Variants in STAG1 observed in about 807,000 individuals in gnomAD.
STAG1 encodes the protein STAG1 cohesin complex component.
Under a neutral mutation model 170.9 loss-of-function variants are expected in STAG1, and 26 were observed. That is an observed-to-expected ratio of 0.15 (90% confidence interval 0.11 to 0.21). The LOEUF (loss-of-function observed/expected upper bound fraction) is 0.21. Among genes scored for constraint, STAG1 ranks in the 10% least tolerant of loss-of-function variants. STAG1 has a pLI of 1.00. For missense variants in STAG1, 964 were observed against 1,509.5 expected (o/e 0.64, Z 5.99); for synonymous variants, 514 against 497.7 (o/e 1.03, Z -0.44).
chr3:136,672,085 T>C (rs758476157), intron 1 of STAG1, among the ~76,000 whole-genome samples: 38 of 152,218 alleles, frequency 2.5e-4, no homozygotes, highest in Non-Finnish European at 4.6e-4. Flanking sequence ...CAGAAACATT[T>C]TTCTTTTCCT....
At chr3:136,653,091 A>G (rs1345088067) in intron 1 of STAG1, among the ~76,000 whole-genome samples, 1 of 152,012 alleles carries the variant, frequency 6.6e-6, no homozygotes, top group Non-Finnish European at 1.5e-5. Flanking sequence ...TGACCAACAT[A>G]GAGAAACCCT....
At chr3:136,348,849 G>T in intron 29 of STAG1, 1 of 313,738 alleles carries the variant, frequency 3.2e-6, no homozygotes, top group Admixed American at 4.7e-5. Context: ...ATAGCATTGT[G>T]ACTATCTTAC....
At chr3:136,355,551 A>G (rs1936620102) in intron 28 of STAG1, among the ~76,000 whole-genome samples, 2 of 152,034 alleles carry the variant, frequency 1.3e-5, no homozygotes, top group African/African-American at 4.8e-5. Context: ...CCTGAAAAGC[A>G]CTATAAACAA....
chr3:136,357,657 A>C (rs1936708427), intron 28 of STAG1, 63 bp downstream of exon 28: 3 of 1,390,352 alleles, frequency 2.2e-6, no homozygotes, highest in Non-Finnish European at 2.9e-6. Flanking sequence ...AAAATTTTTC[A>C]AAAAATAAAC....
chr3:136,544,566 C>T (rs1936061417), intron 5 of STAG1, among the ~76,000 whole-genome samples: 1 of 151,892 alleles, frequency 6.6e-6, no homozygotes, highest in South Asian at 2.1e-4. Context: ...AGTTTGAGAC[C>T]AGCCTGGGCA....
chr3:136,704,090 G>A (rs111949903), intron 1 of STAG1, among the ~76,000 whole-genome samples: 2,656 of 143,272 alleles, frequency 0.019, 35 homozygotes, highest in Non-Finnish European at 0.03. Flanking sequence ...TCACTCTGTC[G>A]CCCAGGCTGG....
chr3:136,623,261 A>AT lies in STAG1; in HGVS notation c.30-14dup. 1 of 1,608,266 alleles carries AT rather than the reference A, an allele frequency of 6.2e-7. No individual in the cohort carries two copies. Among genetic ancestry groups the AT allele is most frequent in the Admixed American group, 1.7e-5 (1 of 59,350 alleles). On this transcript the variant is annotated splice_polypyrimidine_tract_variant and intron_variant, in intron 2 of 33. Coordinates refer to ENST00000383202, the MANE Select transcript of STAG1 (RefSeq NM_005862.3). Reference sequence around the variant, plus strand: ...ATTAGTTGAATCCCTAGAAAATGTTATATTATTTTAGCGAACAAATTAATA... The same window carrying AT: ...ATTAGTTGAATCCCTAGAAAATGTTATTATTATTTTAGCGAACAAATTAATA...
chr3:136,403,224 TAAAAA>T (rs55678408), intron 21 of STAG1, among the ~76,000 whole-genome samples: 56 of 33,614 alleles, frequency 1.7e-3, no homozygotes, highest in African/African-American at 8.2e-3. Context: ...GAGACTGTCT[TAAAAA>T]AAAAAAAAAA....
intron 7 of STAG1, among the ~76,000 whole-genome samples, chr3:136,507,503 C>G (rs1028320686): frequency 6.6e-6 from 1 of 151,974 alleles, no homozygotes; most frequent in East Asian, 1.9e-4. Context: ...GTAGCTGGGA[C>G]TACAGCTACC....
chr3:136,715,510 C>CT (rs937748854), intron 1 of STAG1, among the ~76,000 whole-genome samples: 2 of 151,922 alleles, frequency 1.3e-5, no homozygotes, highest in African/African-American at 4.8e-5. Flanking sequence ...GTGCCAACTA[C>CT]TTAGGAGGCT....
At chr3:136,642,444 A>G (rs1576705076) in intron 1 of STAG1, among the ~76,000 whole-genome samples, 1 of 151,444 alleles carries the variant, frequency 6.6e-6, no homozygotes. Context: ...GCTAATTTTT[A>G]TATTTTTAGT....
chr3:136,652,647 A>G (rs1377902918), intron 1 of STAG1, among the ~76,000 whole-genome samples: 1 of 152,214 alleles, frequency 6.6e-6, no homozygotes, highest in African/African-American at 2.4e-5. Context: ...TCTACAAATT[A>G]TTAGACTCAA....
intron 9 of STAG1, among the ~76,000 whole-genome samples, chr3:136,485,238 A>G (rs1257086422): frequency 6.6e-6 from 1 of 152,174 alleles, no homozygotes; most frequent in Non-Finnish European, 1.5e-5. Context: ...TGGGCAGATC[A>G]CGAAGTCAGG....
chr3:136,737,126 C>A, intron 1 of STAG1: 3 of 822,790 alleles, frequency 3.6e-6, no homozygotes, highest in Non-Finnish European at 6.5e-6. Context: ...GATTTTTTCA[C>A]GTTAGAACCA....
At chr3:136,531,290 G>A (rs1576575354) in intron 6 of STAG1, among the ~76,000 whole-genome samples, 1 of 149,582 alleles carries the variant, frequency 6.7e-6, no homozygotes, top group East Asian at 2.0e-4. Context: ...GGAGAAATAG[G>A]AACACTTTTA....
rs188198519 is a variant in STAG1, at chr3:136,461,321, T to C, written c.1313+3560A>G. Reference sequence around the variant, plus strand: ...TTATACAACATAGTACTAAAAGTCCTAGTCAGAGCAGTTAGGCAAGAGAAT... The same window carrying C: ...TTATACAACATAGTACTAAAAGTCCCAGTCAGAGCAGTTAGGCAAGAGAAT... On this transcript the variant is annotated intron_variant, in intron 13 of 33. Coordinates refer to ENST00000383202, the MANE Select transcript of STAG1 (RefSeq NM_005862.3). 3.9e-5 allele frequency among the ~76,000 whole-genome samples: 6 copies of C among 152,296 alleles called. No homozygotes were observed. In the East Asian group the frequency reaches 9.7e-4, roughly 25 times the overall value.
intron 6 of STAG1, among the ~76,000 whole-genome samples, chr3:136,525,933 T>C (rs1934995646): frequency 6.6e-6 from 1 of 152,242 alleles, no homozygotes; most frequent in Admixed American, 6.5e-5. Context: ...TCCTGAGTTC[T>C]AGTTTGATTG....
intron 14 of STAG1, among the ~76,000 whole-genome samples, chr3:136,444,529 A>C (rs1253781720): frequency 6.6e-6 from 1 of 152,236 alleles, no homozygotes; most frequent in African/African-American, 2.4e-5. Flanking sequence ...CAGTCCTGGT[A>C]ATCAGTGTTA....
At chr3:136,511,774 T>C (rs1210393232) in intron 7 of STAG1, among the ~76,000 whole-genome samples, 1 of 152,130 alleles carries the variant, frequency 6.6e-6, no homozygotes, top group Non-Finnish European at 1.5e-5. Context: ...ATAACAAACC[T>C]GCACATGTAC....
Sources: allele counts gnomAD v4.1 joint callset (sites outside exome capture counted in the v4.1 genomes callset), GRCh38; gene constraint gnomAD v4.1.1; transcripts MANE v1.5; gene names NCBI Gene and HGNC (gene_info 2026-07-23, HGNC 2026-07-21).